SIPA1L1: variants seen among roughly 807,000 people sequenced by gnomAD.
SIPA1L1 encodes the protein signal-induced proliferation-associated 1-like protein 1.
Under a neutral mutation model 162.7 loss-of-function variants are expected in SIPA1L1, and 26 were observed. The observed-to-expected ratio is 0.16, with a 90% CI of 0.12 to 0.22. SIPA1L1 has a LOEUF of 0.22. SIPA1L1 is among the 10% of genes least tolerant of loss of function. SIPA1L1 has a pLI of 1.00. For synonymous variants in SIPA1L1, 829 were observed against 837.4 expected (o/e 0.99, Z 0.17); for missense variants, 1,874 against 2,241.0 (o/e 0.84, Z 3.31).
intron 2 of SIPA1L1, among the ~76,000 whole-genome samples, chr14:71,455,317 A>G (rs1459391865): frequency 6.6e-6 from 1 of 152,164 alleles, no homozygotes; most frequent in Non-Finnish European, 1.5e-5. Context: ...TTGATTCCAA[A>G]TGATTGTTTT....
intron 2 of SIPA1L1, among the ~76,000 whole-genome samples, chr14:71,502,251 A>ATATATATATATAT (rs1555440954): frequency 1.7e-3 from 101 of 60,916 alleles, no homozygotes; most frequent in Admixed American, 3.3e-3. Flanking sequence ...TGAAAAAAAA[A>ATATATATATATAT]AAAAATATAT....
intron 2 of SIPA1L1, chr14:71,330,244 C>G: frequency 1.5e-6 from 1 of 670,478 alleles, no homozygotes; most frequent in South Asian, 1.6e-5. Flanking sequence ...CTCCACTATT[C>G]CAGGGAGGGG....
chr14:71,425,554 A>G (rs1407599875), intron 2 of SIPA1L1, among the ~76,000 whole-genome samples: 1 of 152,088 alleles, frequency 6.6e-6, no homozygotes, highest in African/African-American at 2.4e-5. Flanking sequence ...TTCTAACTTC[A>G]TCGTGTTGTG....
At chr14:71,363,558 A>G (rs531562617) in intron 2 of SIPA1L1, among the ~76,000 whole-genome samples, 1 of 152,306 alleles carries the variant, frequency 6.6e-6, no homozygotes, top group South Asian at 2.1e-4. Context: ...TGAATCACTT[A>G]TAAGTTAGTT....
chr14:71,405,439 C>T (rs886865651), intron 2 of SIPA1L1, among the ~76,000 whole-genome samples: 1 of 152,194 alleles, frequency 6.6e-6, no homozygotes, highest in Non-Finnish European at 1.5e-5. Flanking sequence ...GGCTCCTACT[C>T]TAATGTTGGG....
chr14:71,699,024 G>T lies in SIPA1L1; in HGVS notation c.3418G>T (p.Ala1140Ser), dbSNP rs1264789790. 1 of 1,614,150 alleles carries T rather than the reference G, an allele frequency of 6.2e-7. No homozygotes were observed. The highest frequency in any genetic ancestry group is 1.1e-5 in the South Asian group (1 of 91,080). ...SDIYVTVSSM[A>S]LARSQCRNSP... ...CATCTATGTGACGGTCTCATCCATG[G>T]CTTTAGCAAGATCCCAGTGTCGGAA... is the stretch of plus-strand genomic sequence containing the variant. The change falls in exon 14 of 24, where the codon GCT (alanine) becomes TCT (serine). Residue 1140 changes from alanine to serine, a missense_variant. This residue lies in a region of SIPA1L1 where 936 missense variants were observed against 1,051.9 expected (regional missense o/e 0.89). Transcript: ENST00000381232.
chr14:71,584,614 A>C (rs1322620492), intron 4 of SIPA1L1, among the ~76,000 whole-genome samples: 1 of 152,168 alleles, frequency 6.6e-6, no homozygotes, highest in Non-Finnish European at 1.5e-5. Context: ...TTTCTTCTGG[A>C]AGAATGGTGG....
At chr14:71,535,079 C>G (rs1171461942) in intron 4 of SIPA1L1, among the ~76,000 whole-genome samples, 4 of 152,126 alleles carry the variant, frequency 2.6e-5, no homozygotes, top group Non-Finnish European at 4.4e-5. Context: ...ATTTTACCGT[C>G]CAGAAGTGGC....
At chr14:71,661,535 G>A (rs1244883761) in intron 10 of SIPA1L1, 68 bp downstream of exon 10, 4 of 1,507,692 alleles carry the variant, frequency 2.7e-6, no homozygotes, top group South Asian at 2.5e-5. Flanking sequence ...GCCCCATTCA[G>A]CTCTGCATTC....
At chr14:71,537,257 G>A (rs1431009872) in intron 4 of SIPA1L1, among the ~76,000 whole-genome samples, 1 of 152,174 alleles carries the variant, frequency 6.6e-6, no homozygotes, top group Non-Finnish European at 1.5e-5. Flanking sequence ...CCGGAGTGCA[G>A]TGGCGCGATC....
Position 71,610,923 on chromosome 14 carries a change from G to C in SIPA1L1, c.1499-7834G>C, listed in dbSNP as rs112351417. 7.3e-3 allele frequency among the ~76,000 whole-genome samples: 1,115 copies of C among 152,320 alleles called. 8 individuals are homozygous for C. Among genetic ancestry groups the C allele is most frequent in the African/African-American group, 0.021 (874 of 41,566 alleles). On this transcript the variant is annotated intron_variant, in intron 5 of 23. Transcript: ENST00000381232. ...AAATGGAATGTCAGAGTACTATGCAGTTTGTAAATGTGAGCAATTACTCTT... is the reference window on the plus strand; with the variant it reads ...AAATGGAATGTCAGAGTACTATGCACTTTGTAAATGTGAGCAATTACTCTT...
At chr14:71,686,595 G>A (rs554691971) in intron 13 of SIPA1L1, among the ~76,000 whole-genome samples, 1 of 152,072 alleles carries the variant, frequency 6.6e-6, no homozygotes, top group East Asian at 1.9e-4. Context: ...CCAGGCTGGA[G>A]TGCAGTGGTG....
intron 15 of SIPA1L1, among the ~76,000 whole-genome samples, chr14:71,703,413 TAGAA>T (rs1260146726): frequency 6.6e-6 from 1 of 152,206 alleles, no homozygotes; most frequent in Non-Finnish European, 1.5e-5. Flanking sequence ...ACCATGGACA[TAGAA>T]AGGAGTGGAG....
chr14:71,481,082 A>G (rs997887073), intron 2 of SIPA1L1, among the ~76,000 whole-genome samples: 8 of 152,194 alleles, frequency 5.3e-5, no homozygotes, highest in East Asian at 1.9e-4. Flanking sequence ...AAAAATGTCT[A>G]ATTTTAAGTC....
intron 5 of SIPA1L1, among the ~76,000 whole-genome samples, chr14:71,602,782 A>T (rs1290677964): frequency 6.6e-6 from 1 of 152,248 alleles, no homozygotes; most frequent in Non-Finnish European, 1.5e-5. Context: ...TCTAGTCAGA[A>T]CAGCGTCGGC....
At chr14:71,491,297 CAGT>C (rs2049227555) in intron 2 of SIPA1L1, among the ~76,000 whole-genome samples, 1 of 152,100 alleles carries the variant, frequency 6.6e-6, no homozygotes, top group Admixed American at 6.6e-5. Flanking sequence ...GTTTAAATTA[CAGT>C]TGTTCCTTTT....
rs532719695 is a variant in SIPA1L1, at chr14:71,339,921, T to G, written c.-465+18740T>G. On this transcript the variant is annotated intron_variant, in intron 2 of 23. Transcript: ENST00000381232. ...TCCTGTTACAGAATTTCTGCTTCTC[T>G]TAACATAGATTGTAGCAGCTACTGA... Among the ~76,000 whole-genome samples the G allele has an allele frequency of 8.5e-5, 13 of 152,332 alleles. No homozygotes were observed. In the East Asian group the frequency reaches 2.1e-3, roughly 25 times the overall value.
chr14:71,726,840 C>G (rs1164525541), intron 19 of SIPA1L1, among the ~76,000 whole-genome samples: 1 of 152,160 alleles, frequency 6.6e-6, no homozygotes, highest in African/African-American at 2.4e-5. Context: ...GATGGAGGCT[C>G]TGCTGTGTCA....
At chr14:71,392,228 A>G (rs1278923120) in intron 2 of SIPA1L1, among the ~76,000 whole-genome samples, 1 of 152,140 alleles carries the variant, frequency 6.6e-6, no homozygotes, top group Non-Finnish European at 1.5e-5. Flanking sequence ...AATCTGTAGG[A>G]TGGAAGCTGA....
Sources: gnomAD v4.1 joint callset for allele counts (sites outside exome capture counted in the v4.1 genomes callset) on GRCh38, gnomAD v4.1.1 for gene constraint, gnomAD v4.1.1 regional missense constraint, MANE v1.5 for transcripts, NCBI Gene and HGNC (gene_info 2026-07-23, HGNC 2026-07-21) for gene names.